Variants in ATG7 observed in about 807,000 individuals in gnomAD.
The protein encoded by ATG7 is autophagy related 7.
Under a neutral mutation model 82.4 loss-of-function variants are expected in ATG7, and 70 were observed. That is an observed-to-expected ratio of 0.85 (90% CI 0.70 to 1.04). ATG7 has a LOEUF of 1.04. Among genes scored for constraint, ATG7 ranks in the 50% least tolerant of loss-of-function variants. ATG7 has a pLI of 0.00. For missense variants in ATG7, 792 were observed against 864.3 expected (o/e 0.92, Z 1.05); for synonymous variants, 287 against 313.0 (o/e 0.92, Z 0.88).
intron 11 of ATG7, among the ~76,000 whole-genome samples, chr3:11,340,265 G>C (rs1575562257): frequency 6.6e-6 from 1 of 151,900 alleles, no homozygotes; most frequent in Non-Finnish European, 1.5e-5. Flanking sequence ...GGCTTGCTTA[G>C]ATAGAGAAGC....
At chr3:11,417,810 A>ATTTTTTTTTTTTT (rs368598930) in intron 19 of ATG7, among the ~76,000 whole-genome samples, 1 of 97,986 alleles carries the variant, frequency 1.0e-5, no homozygotes, top group African/African-American at 4.4e-5. Flanking sequence ...ATTTTATTTT[A>ATTTTTTTTTTTTT]TTTTATTTTT....
intron 20 of ATG7, among the ~76,000 whole-genome samples, chr3:11,429,309 A>G (rs1229373617): frequency 6.6e-6 from 1 of 152,086 alleles, no homozygotes; most frequent in Non-Finnish European, 1.5e-5. Context: ...CAGCCTGGCC[A>G]ACATGGTGAA....
At chr3:11,559,231 G>A, downstream of ATG7, 1 of 1,436,614 alleles carries the variant, frequency 7.0e-7, no homozygotes, top group South Asian at 1.5e-5. Flanking sequence ...CTCAGCAATA[G>A]ATGGGCTCAG....
chr3:11,517,080 C>A (rs2092303793), intron 20 of ATG7, among the ~76,000 whole-genome samples: 1 of 151,712 alleles, frequency 6.6e-6, no homozygotes, highest in African/African-American at 2.4e-5. Flanking sequence ...AAGACCCTGT[C>A]TCAAAAAACA....
chr3:11,511,520 C>T (rs2092055396), intron 20 of ATG7, among the ~76,000 whole-genome samples: 1 of 152,222 alleles, frequency 6.6e-6, no homozygotes, highest in South Asian at 2.1e-4. Flanking sequence ...GACTCAGGAG[C>T]CCAGCTGGCT....
chr3:11,306,838 C>T, intron 5 of ATG7, 105 bp from the exon 6 acceptor site: 1 of 783,600 alleles, frequency 1.3e-6, no homozygotes, highest in Non-Finnish European at 2.2e-6. Flanking sequence ...TTCTGTTTGC[C>T]CTGCAGAGCA....
At chr3:11,489,541 C>A (rs1400456289) in intron 20 of ATG7, among the ~76,000 whole-genome samples, 1 of 143,046 alleles carries the variant, frequency 7.0e-6, no homozygotes, top group African/African-American at 2.6e-5. Context: ...TTTGTTCTTG[C>A]TTTTCTAGTT....
chr3:11,535,949 C>T (rs1041458960), intron 20 of ATG7, among the ~76,000 whole-genome samples: 3 of 152,178 alleles, frequency 2.0e-5, no homozygotes, highest in Admixed American at 6.5e-5. Flanking sequence ...TGTGGGATGA[C>T]GCAGCGTTGC....
intron 19 of ATG7, among the ~76,000 whole-genome samples, chr3:11,389,232 CAAAA>C (rs752930553): frequency 1.0e-4 from 6 of 57,242 alleles, no homozygotes; most frequent in Admixed American, 7.8e-4. Context: ...GACCCTGTCT[CAAAA>C]AAAAAAAAAA....
At chr3:11,452,986 A>G (rs553580927) in intron 20 of ATG7, among the ~76,000 whole-genome samples, 96 of 152,308 alleles carry the variant, frequency 6.3e-4, no homozygotes, top group African/African-American at 2.2e-3. Flanking sequence ...CATTGGGCCC[A>G]ATTACTGCTG....
chr3:11,397,857 C>T (rs370999499), intron 19 of ATG7, among the ~76,000 whole-genome samples: 9 of 149,748 alleles, frequency 6.0e-5, no homozygotes, highest in Admixed American at 1.3e-4. Context: ...CTGAGGTGGG[C>T]GGATCACCTG....
chr3:11,466,194 A>G (rs750777096), intron 20 of ATG7, among the ~76,000 whole-genome samples: 4 of 152,250 alleles, frequency 2.6e-5, no homozygotes, highest in Non-Finnish European at 5.9e-5. Context: ...AAGACTTGTT[A>G]TACAAGGAAA....
chr3:11,521,536 C>T (rs1429530428), intron 20 of ATG7, among the ~76,000 whole-genome samples: 2 of 144,620 alleles, frequency 1.4e-5, no homozygotes. Flanking sequence ...ATGGCCTGGC[C>T]AGCCCAGGAA....
At chr3:11,339,834 G>T (rs1953221878) in intron 11 of ATG7, among the ~76,000 whole-genome samples, 1 of 152,214 alleles carries the variant, frequency 6.6e-6, no homozygotes, top group South Asian at 2.1e-4. Context: ...TGTACTGCAG[G>T]TTTCTCAGAG....
At chr3:11,377,976 T>C (rs1048068745) in intron 18 of ATG7, among the ~76,000 whole-genome samples, 4 of 151,954 alleles carry the variant, frequency 2.6e-5, no homozygotes, top group African/African-American at 9.7e-5. Flanking sequence ...TAAAAGGTTG[T>C]CATATTTTCA....
chr3:11,315,905 T>A (rs1009725961), intron 9 of ATG7, among the ~76,000 whole-genome samples: 1 of 152,188 alleles, frequency 6.6e-6, no homozygotes, highest in Non-Finnish European at 1.5e-5. Flanking sequence ...TTTTGTATTT[T>A]TAGTAGAGAC....
At chr3:11,465,228 G>T (rs1011805722) in intron 20 of ATG7, among the ~76,000 whole-genome samples, 1 of 151,864 alleles carries the variant, frequency 6.6e-6, no homozygotes, top group Non-Finnish European at 1.5e-5. Context: ...AGGCCGAGGC[G>T]TGTGGATCCA....
intron 20 of ATG7, among the ~76,000 whole-genome samples, chr3:11,470,069 A>G (rs1017345242): frequency 6.6e-6 from 1 of 150,950 alleles, no homozygotes; most frequent in Admixed American, 6.6e-5. Flanking sequence ...AAGCACCTCT[A>G]CCTTGTGCTT....
chr3:11,439,910 G>T (rs2083719263), intron 20 of ATG7, among the ~76,000 whole-genome samples: 1 of 152,308 alleles, frequency 6.6e-6, no homozygotes, highest in East Asian at 1.9e-4. Context: ...ATCTTAGGAG[G>T]TGACTATTAT....
Sources: gnomAD v4.1 joint callset for allele counts (sites outside exome capture counted in the v4.1 genomes callset) on GRCh38, gnomAD v4.1.1 for gene constraint, MANE v1.5 for transcripts, NCBI Gene and HGNC (gene_info 2026-07-23, HGNC 2026-07-21) for gene names.